PRKCE: variants seen among roughly 807,000 people sequenced by gnomAD.
The protein encoded by PRKCE is protein kinase C epsilon, also known as protein kinase C epsilon type.
PRKCE carries 16 observed loss-of-function variants against 85.4 expected under a neutral mutation model. The observed-to-expected ratio is 0.19, with a 90% CI of 0.13 to 0.28. The LOEUF (loss-of-function observed/expected upper bound fraction) is 0.28, where lower values mean the gene tolerates loss of function less well. Ranked by LOEUF, PRKCE falls within the 10% of genes least tolerant of loss-of-function variation. The probability of loss-of-function intolerance (pLI) is 1.00; values close to 1 mark genes in which losing one functional copy is unlikely to be tolerated. For missense variants in PRKCE, 573 were observed against 975.2 expected (o/e 0.59, Z 5.49); for synonymous variants, 388 against 371.5 (o/e 1.04, Z -0.51).
At chr2:45,833,808 T>C (rs1690630206) in intron 1 of PRKCE, among the ~76,000 whole-genome samples, 1 of 152,232 alleles carries the variant, frequency 6.6e-6, no homozygotes, top group African/African-American at 2.4e-5. Flanking sequence ...GGCAGTGGAT[T>C]ATCTGCTTCA....
At position 46,186,847 on chromosome 2, in the gene PRKCE, G is replaced by A. The variant is rs1680483828; in HGVS notation, c.*1966G>A. The A allele has an allele frequency of 6.6e-6, 1 of 152,374 alleles. No individual in the cohort carries two copies. The highest frequency in any genetic ancestry group is 2.4e-5 in the African/African-American group (1 of 41,344). 9.4% of individuals were successfully genotyped at this position (152,374 alleles called of 1,614,324 possible). A position where few individuals can be genotyped will look rare whatever the true frequency, so the allele number is the denominator to read the frequency against. On this transcript the variant is annotated 3_prime_UTR_variant, in exon 15 of 15. Transcript: ENST00000306156. ...TAATGATGACATTCAGTTCTCTTTT[G>A]TTTTTATTTTTTAAAAACTCAGGTG... is the stretch of plus-strand genomic sequence containing the variant.
Position 46,139,370 on chromosome 2 carries a change from G to A in PRKCE, c.1593-5723G>A, listed in dbSNP as rs1425549554. ...AAATCAATACCTAGCCTATACATGT[G>A]TGAGCAGATAGAAGATATAACGGAA... is the stretch of plus-strand genomic sequence containing the variant. On this transcript the variant is annotated intron_variant, in intron 11 of 14. Transcript: ENST00000306156. The surrounding 1 kb of genome is among the most constrained non-coding windows in gnomAD (Gnocchi z 5.2). Among the ~76,000 whole-genome samples the A allele has an allele frequency of 6.6e-6, 1 of 152,166 alleles. No homozygotes were observed. Among genetic ancestry groups the A allele is most frequent in the South Asian group, 2.1e-4 (1 of 4,832 alleles).
chr2:46,049,276 G>T (rs576404590), intron 10 of PRKCE, among the ~76,000 whole-genome samples: 54 of 152,234 alleles, frequency 3.5e-4, no homozygotes, highest in African/African-American at 1.2e-3. Context: ...CAGTATTGCC[G>T]AGTGGGCTTA....
In PRKCE at chr2:45,916,240, A is replaced by ATT. The variant is rs748796035; in HGVS notation, c.413-60172_413-60171dup. 6.7e-3 allele frequency among the ~76,000 whole-genome samples: 953 copies of ATT among 141,854 alleles called. 12 individuals are homozygous for ATT. The highest frequency in any genetic ancestry group is 0.024 in the African/African-American group (910 of 38,390). The allele number at this position is 141,854 out of a possible 152,430, so 93.1% of individuals were successfully genotyped here. A position where few individuals can be genotyped will look rare whatever the true frequency, so the allele number is the denominator to read the frequency against. Reference sequence around the variant, plus strand: ...TATATTCTTCTATATGCACTGAGAAATTTTTTTTTTTTTTTTTTAGACAGG... The same window carrying ATT: ...TATATTCTTCTATATGCACTGAGAAATTTTTTTTTTTTTTTTTTTTAGACAGG... On this transcript the variant is annotated intron_variant, in intron 2 of 14. Coordinates refer to ENST00000306156, the MANE Select transcript of PRKCE (RefSeq NM_005400.3).
intron 1 of PRKCE, among the ~76,000 whole-genome samples, chr2:45,670,602 C>T (rs1676113679): frequency 6.6e-6 from 1 of 152,170 alleles, no homozygotes; most frequent in African/African-American, 2.4e-5. Flanking sequence ...CACAGTTTCT[C>T]ATTCAATCTA....
chr2:45,855,803 C>T (rs1388617556), intron 2 of PRKCE, among the ~76,000 whole-genome samples: 1 of 152,132 alleles, frequency 6.6e-6, no homozygotes, highest in Non-Finnish European at 1.5e-5. Flanking sequence ...TAGAAAGCTT[C>T]TCACTGCAGT....
chr2:45,695,716 A>C (rs1678086881), intron 1 of PRKCE, among the ~76,000 whole-genome samples: 1 of 152,208 alleles, frequency 6.6e-6, no homozygotes, highest in Admixed American at 6.5e-5. Flanking sequence ...GGTTGCAGTG[A>C]GCTGAGATCA....
chr2:45,962,254 C>T (rs1248372586), intron 2 of PRKCE, among the ~76,000 whole-genome samples: 1 of 152,162 alleles, frequency 6.6e-6, no homozygotes, highest in Non-Finnish European at 1.5e-5. Context: ...TTCCTACTTT[C>T]CCCCCAGGGC....
chr2:46,141,831 T>G (rs1004695081), intron 11 of PRKCE, among the ~76,000 whole-genome samples: 1 of 152,186 alleles, frequency 6.6e-6, no homozygotes, highest in African/African-American at 2.4e-5. Flanking sequence ...GCAAGTTTGA[T>G]GAGCACTTGC....
At position 46,156,098 on chromosome 2, in the gene PRKCE, G is replaced by A. The variant is rs558873376; in HGVS notation, c.1921-3508G>A. ...AAGAATGCAAATCTAGCCATTTCGC[G>A]CCTCATCCCCTACTTAAAACTCATC... On this transcript the variant is annotated intron_variant, in intron 13 of 14. Coordinates refer to ENST00000306156, the MANE Select transcript of PRKCE (RefSeq NM_005400.3). Among the ~76,000 whole-genome samples the A allele has an allele frequency of 2.7e-5, 4 of 146,902 alleles. No individual in the cohort carries two copies. The South Asian group carries it at 8.5e-4, about 31-fold the overall frequency.
chr2:45,914,486 G>C (rs917025046), intron 2 of PRKCE, among the ~76,000 whole-genome samples: 2 of 152,194 alleles, frequency 1.3e-5, no homozygotes, highest in African/African-American at 2.4e-5. Context: ...AGCCATGGTG[G>C]TCCAGGAAGT....
chr2:45,887,160 G>A (rs1235416186), intron 2 of PRKCE, among the ~76,000 whole-genome samples: 1 of 152,168 alleles, frequency 6.6e-6, no homozygotes, highest in African/African-American at 2.4e-5. Context: ...GATAGGCAGG[G>A]CCTCCCATTG....
chr2:45,904,319 A>C lies in PRKCE; in HGVS notation c.412+61256A>C, dbSNP rs557516231. ...ACCGAGAAGTCTTGAAACCAAAAGA[A>C]CTCCAAGTTCCCTGCCTGTGCTGAA... On this transcript the variant is annotated intron_variant, in intron 2 of 14. Transcript: ENST00000306156. Among the ~76,000 whole-genome samples the C allele has an allele frequency of 3.4e-4, 52 of 152,064 alleles. 1 individual carries two copies. Among genetic ancestry groups the C allele is most frequent in the South Asian group, 1.5e-3 (7 of 4,796 alleles).
intron 2 of PRKCE, chr2:45,851,892 G>A (rs561855722): frequency 6.6e-5 from 10 of 152,378 alleles, no homozygotes; most frequent in African/African-American, 2.4e-4. Context: ...CTGTCACCGA[G>A]GACTGAGTGC....
chr2:45,873,673 C>G (rs1409902873), intron 2 of PRKCE, among the ~76,000 whole-genome samples: 1 of 152,220 alleles, frequency 6.6e-6, no homozygotes, highest in East Asian at 1.9e-4. Context: ...GGCATCCCAG[C>G]TGCCTCCTCA....
At chr2:45,748,904 T>C (rs1252054634) in intron 1 of PRKCE, among the ~76,000 whole-genome samples, 2 of 151,792 alleles carry the variant, frequency 1.3e-5, no homozygotes, top group Admixed American at 1.3e-4. Flanking sequence ...TTTTTTTTTT[T>C]TCTCAGACTG....
intron 2 of PRKCE, among the ~76,000 whole-genome samples, chr2:45,919,837 C>A (rs1698121786): frequency 6.6e-6 from 1 of 152,218 alleles, no homozygotes; most frequent in Non-Finnish European, 1.5e-5. Context: ...TCAGAACCTC[C>A]CCAAAGGGGA....
chr2:46,089,564 A>C (rs1669964480), intron 11 of PRKCE, among the ~76,000 whole-genome samples: 1 of 152,310 alleles, frequency 6.6e-6, no homozygotes, highest in African/African-American at 2.4e-5. Flanking sequence ...GATAAAGTCC[A>C]AACCCCTTTG....
At chr2:45,887,022 C>T (rs1320504643) in intron 2 of PRKCE, among the ~76,000 whole-genome samples, 1 of 152,166 alleles carries the variant, frequency 6.6e-6, no homozygotes, top group Non-Finnish European at 1.5e-5. Context: ...AGTAATATGG[C>T]CTGGAATTAG....
Sources: gnomAD v4.1 joint callset for allele counts (sites outside exome capture counted in the v4.1 genomes callset) on GRCh38, gnomAD v4.1.1 for gene constraint, Gnocchi (gnomAD v3.1) non-coding constraint, MANE v1.5 for transcripts, NCBI Gene and HGNC (gene_info 2026-07-23, HGNC 2026-07-21) for gene names.